Variants in TPM4 observed in about 807,000 individuals in gnomAD.
TPM4 encodes tropomyosin 4, also known as tropomyosin alpha-4 chain.
In TPM4, 17 loss-of-function variants were observed where a neutral mutation model predicts 35.8. The ratio of observed to expected loss-of-function variants is 0.47; its 90% CI spans 0.32 to 0.71. The LOEUF (loss-of-function observed/expected upper bound fraction) is 0.71. Among genes scored for constraint, TPM4 ranks in the 30% least tolerant of loss-of-function variants. The probability of loss-of-function intolerance (pLI) is 0.03; values close to 1 mark genes in which losing one functional copy is unlikely to be tolerated. For synonymous variants in TPM4, 120 were observed against 122.9 expected (o/e 0.98, Z 0.15); for missense variants, 240 against 320.9 (o/e 0.75, Z 1.93).
Position 16,096,936 on chromosome 19 carries a change from C to CTTTTTTTT in TPM4, c.664+3210_664+3217dup, listed in dbSNP as rs71178641. ...GGAATATGGAGAAAACAAGGTCACT[C>CTTTTTTTT]TTTTTTTTTTTTTTTTTTTTTTTTT... On this transcript the variant is annotated intron_variant, in intron 7 of 7. Transcript: ENST00000643579. Among the ~76,000 whole-genome samples, 519 of 69,026 alleles carry CTTTTTTTT rather than the reference C, an allele frequency of 7.5e-3. 132 individuals are homozygous for CTTTTTTTT. Among genetic ancestry groups the CTTTTTTTT allele is most frequent in the Non-Finnish European group, 9.4e-3 (353 of 37,706 alleles). 45.3% of individuals were successfully genotyped at this position (69,026 alleles called of 152,430 possible). A position where few individuals can be genotyped will look rare whatever the true frequency, so the allele number is the denominator to read the frequency against.
intron 7 of TPM4, among the ~76,000 whole-genome samples, chr19:16,094,948 C>T (rs2090676252): frequency 6.6e-6 from 1 of 151,952 alleles, no homozygotes; most frequent in Non-Finnish European, 1.5e-5. Flanking sequence ...GACAGGGTGA[C>T]GTCATTGGAA....
chr19:16,100,616 T>G (rs1394365681), intron 7 of TPM4: 1 of 152,022 alleles, frequency 6.6e-6, no homozygotes, highest in African/African-American at 2.4e-5. Context: ...GCCCAGGAGC[T>G]CAAGACCAGC....
rs144676075 is a variant in TPM4 at position 16,090,397 on chromosome 19, C to T, written c.531+1277C>T. 3.0e-3 allele frequency among the ~76,000 whole-genome samples: 447 copies of T among 149,460 alleles called. 1 individual carries two copies. The highest frequency in any genetic ancestry group is 0.011 in the African/African-American group (433 of 40,372). ...CCTCCCAAAGTGCTGGGATTACAGG[C>T]GTGGGCCACCGTGCCTGGCTAATTT... On this transcript the variant is annotated intron_variant, in intron 5 of 7. Transcript: ENST00000643579.
chr19:16,071,821 T>TC (rs977433723), upstream of TPM4, among the ~76,000 whole-genome samples: 35 of 151,844 alleles, frequency 2.3e-4, 1 homozygote, highest in Admixed American at 2.2e-3. Flanking sequence ...TCCTGCCCAC[T>TC]CCCCTCCCAG....
At position 16,102,538 on chromosome 19, in the gene TPM4, G is replaced by T; in HGVS notation, c.*1192G>T. ...CTCTGGCAGCAGAGATTAAAAACTG[G>T]CCCAACTTCATTTCCATACTTCAGG... On this transcript the variant is annotated 3_prime_UTR_variant, in exon 8 of 8. Transcript: ENST00000643579. 4.4e-6 allele frequency: 1 copy of T among 226,404 alleles called. No homozygotes were observed. The highest frequency in any genetic ancestry group is 6.3e-5 in the East Asian group (1 of 15,762). The allele number at this position is 226,404 out of a possible 1,614,324, so 14.0% of individuals were successfully genotyped here.
intron 3 of TPM4, 73 bp downstream of exon 3, chr19:16,086,613 C>G: frequency 7.9e-7 from 1 of 1,272,384 alleles, no homozygotes; most frequent in South Asian, 1.4e-5. Flanking sequence ...GGGAGGACAC[C>G]GGGGCCAACG....
At chr19:16,086,713 G>T (rs962921261) in intron 3 of TPM4, among the ~76,000 whole-genome samples, 173 bp downstream of exon 3, 1 of 152,174 alleles carries the variant, frequency 6.6e-6, no homozygotes, top group Non-Finnish European at 1.5e-5. Context: ...TATCTCCCAC[G>T]ATGCCAGAAA....
Position 16,076,632 on chromosome 19 carries a change from G to A in TPM4, c.67G>A (p.Glu23Lys), listed in dbSNP as rs1205262337. 1 of 1,458,526 alleles carries A rather than the reference G, an allele frequency of 6.9e-7. No individual in the cohort carries two copies. The highest frequency in any genetic ancestry group is 9.0e-7 in the Non-Finnish European group (1 of 1,111,374). 90.3% of individuals were successfully genotyped at this position (1,458,526 alleles called of 1,614,324 possible). ...KIQALQQQAD[E>K]AEDRAQGLQR... ...CCAGGCCCTGCAGCAGCAGGCGGAC[G>A]AGGCGGAAGACCGCGCGCAGGGCCT... Residue 23 changes from glutamate to lysine, a missense_variant, in exon 1 of 8, where the codon GAG becomes AAG. By Grantham distance (56) the Glu-to-Lys change is moderately conservative. Transcript: ENST00000643579.
At chr19:16,068,629 T>C (rs2144903404) in intron 2 of TPM4, among the ~76,000 whole-genome samples, 1 of 152,362 alleles carries the variant, frequency 6.6e-6, no homozygotes, top group African/African-American at 2.4e-5. Flanking sequence ...GTTTAAGCAT[T>C]TCTGCACATG....
At position 16,084,933 on chromosome 19, in the gene TPM4, C is replaced by CTTCTT. The variant is rs369933362; in HGVS notation, c.267-1474_267-1470dup. Among the ~76,000 whole-genome samples, 962 of 152,142 alleles carry CTTCTT rather than the reference C, an allele frequency of 6.3e-3. 8 individuals carry two copies. Among genetic ancestry groups the CTTCTT allele is most frequent in the Middle Eastern group, 0.031 (9 of 294 alleles). On this transcript the variant is annotated intron_variant, in intron 2 of 7. Transcript: ENST00000643579. ...ATGACACATTATCCCAGGCTGGCCT[C>CTTCTT]TTCTTTTCTTTTCTTTTCTTGTTTT...
intron 7 of TPM4, among the ~76,000 whole-genome samples, chr19:16,096,975 A>C: frequency 2.7e-5 from 2 of 72,772 alleles, no homozygotes; most frequent in Non-Finnish European, 5.3e-5. Flanking sequence ...TTTTTTCAAG[A>C]CAGGGTCTCA....
intron 2 of TPM4, among the ~76,000 whole-genome samples, chr19:16,083,935 AT>A (rs1050521358): frequency 1.3e-5 from 2 of 150,686 alleles, no homozygotes; most frequent in Admixed American, 6.6e-5. Flanking sequence ...TGCCCAGCTA[AT>A]TTTTTTTTGA....
rs2090653976 is a variant in TPM4, at chr19:16,093,553, C to A, written c.549C>A (p.Asp183Glu). The change falls in exon 6 of 8, where the codon GAC becomes GAA. Residue 183 changes from aspartate to glutamate, a missense_variant. Asp to Glu is a conservative substitution (Grantham distance 45). Coordinates refer to ENST00000643579, the MANE Select transcript of TPM4 (RefSeq NM_003290.3). ...AASEKYSEKEDKYEEEIKLLS... is the reference protein window; with the variant it reads ...AASEKYSEKEEKYEEEIKLLS... ...TCCCACAGTATTCTGAAAAGGAGGA[C>A]AAATATGAAGAAGAAATTAAACTTC... 2 of 1,614,038 alleles carry A rather than the reference C, an allele frequency of 1.2e-6. No individual in the cohort carries two copies. The highest frequency in any genetic ancestry group is 1.3e-5 in the African/African-American group (1 of 74,978).
upstream of TPM4, chr19:16,074,962 T>A (rs2090389598): frequency 6.6e-6 from 1 of 152,316 alleles, no homozygotes; most frequent in South Asian, 2.1e-4. Flanking sequence ...CGTGGTGGTG[T>A]GCACCTGTAG....
In TPM4 at chr19:16,070,296, GT is replaced by G. The variant is rs1005521430; in HGVS notation, c.114+2561del. On this transcript the variant is annotated intron_variant, in intron 2 of 2. Coordinates refer to the TPM4 transcript ENST00000589897. The surrounding 1 kb of genome is among the most constrained non-coding windows in gnomAD (Gnocchi z 7.4). ...TTGGAGTTCCAAGGCCGTGGCCATG[GT>G]TTGGGGCAGAGCAGACAGGAGCAGT... Among the ~76,000 whole-genome samples, 3 of 152,178 alleles carry G rather than the reference GT, an allele frequency of 2.0e-5. No individual in the cohort carries two copies. Among genetic ancestry groups the G allele is most frequent in the Non-Finnish European group, 2.9e-5 (2 of 68,020 alleles).
At chr19:16,095,374 C>A in intron 7 of TPM4, 7 of 1,034,762 alleles carry the variant, frequency 6.8e-6, no homozygotes, top group Non-Finnish European at 8.1e-6. Context: ...GCCCTCTGTC[C>A]TTCTCACATG....
intron 4 of TPM4, chr19:16,088,388 A>G (rs566528096): frequency 1.1e-5 from 14 of 1,258,638 alleles, no homozygotes; most frequent in African/African-American, 1.5e-5. Context: ...CCCAGAGAGG[A>G]TATCTCAGGG....
In TPM4 at chr19:16,070,575, G is replaced by A. The variant is rs192196210; in HGVS notation, c.114+2837G>A. 6.6e-4 allele frequency among the ~76,000 whole-genome samples: 101 copies of A among 152,320 alleles called. No homozygotes were observed. The highest frequency in any genetic ancestry group is 1.8e-3 in the Admixed American group (28 of 15,304). On this transcript the variant is annotated intron_variant, in intron 2 of 2. Coordinates refer to the TPM4 transcript ENST00000589897. This position sits in a 1 kb window ranked among gnomAD's most constrained non-coding sequence, Gnocchi z 7.4. ...TCATGGCTCAGTCGCTAGGTGTCCCGGACGCCTGCATGAGTGAGATACGGA... is the reference window on the plus strand; with the variant it reads ...TCATGGCTCAGTCGCTAGGTGTCCCAGACGCCTGCATGAGTGAGATACGGA...
chr19:16,069,359 G>T (rs2090329206), intron 2 of TPM4, among the ~76,000 whole-genome samples: 1 of 152,178 alleles, frequency 6.6e-6, no homozygotes, highest in African/African-American at 2.4e-5. Context: ...CTATTGGTGT[G>T]TATGTGTGTG....
Sources: allele counts gnomAD v4.1 joint callset (sites outside exome capture counted in the v4.1 genomes callset), GRCh38; gene constraint gnomAD v4.1.1; non-coding constraint Gnocchi (gnomAD v3.1); transcripts MANE v1.5; gene names NCBI Gene and HGNC (gene_info 2026-07-23, HGNC 2026-07-21).